The following DDAH1 variants were observed in gnomAD, a reference collection of about 807,000 sequenced individuals.
The protein encoded by DDAH1 is dimethylarginine dimethylaminohydrolase 1, also known as N(G),N(G)-dimethylarginine dimethylaminohydrolase 1.
In DDAH1, 19 loss-of-function variants were observed where a neutral mutation model predicts 28.8. That is an observed-to-expected ratio of 0.66 (90% CI 0.46 to 0.97). The LOEUF is 0.97. Ranked by LOEUF, DDAH1 falls within the 50% of genes least tolerant of loss-of-function variation. DDAH1 has a pLI of 0.00. For synonymous variants in DDAH1, 153 were observed against 154.4 expected, an observed-to-expected ratio of 0.99 and a Z score of 0.07; for missense variants, 326 against 375.9, an observed-to-expected ratio of 0.87 and a Z score of 1.10.
chr1:85,455,536 A>G (rs12143626), intron 1 of DDAH1, among the ~76,000 whole-genome samples: 7,043 of 152,266 alleles, frequency 0.046, 266 homozygotes, highest in South Asian at 0.18. Flanking sequence ...TCAGGAATAG[A>G]AACCAGCACA....
intron 1 of DDAH1, among the ~76,000 whole-genome samples, chr1:85,457,496 T>C (rs576191845): frequency 6.6e-6 from 1 of 152,300 alleles, no homozygotes; most frequent in East Asian, 1.9e-4. Flanking sequence ...AATTCATCTG[T>C]ATCTCCCCAG....
At chr1:85,519,301 T>G (rs1657588428) in intron 1 of DDAH1, among the ~76,000 whole-genome samples, 1 of 152,198 alleles carries the variant, frequency 6.6e-6, no homozygotes, top group South Asian at 2.1e-4. Flanking sequence ...TTTCACCGTG[T>G]TAGCCAGGAT....
intron 1 of DDAH1, chr1:85,376,831 C>G (rs1016604452): frequency 6.6e-6 from 1 of 150,668 alleles, no homozygotes; most frequent in East Asian, 2.0e-4. Flanking sequence ...ACAAAGCCAC[C>G]GAGAGTAAGT....
chr1:85,510,598 G>A (rs938537301), intron 1 of DDAH1, among the ~76,000 whole-genome samples: 2 of 152,154 alleles, frequency 1.3e-5, no homozygotes, highest in Non-Finnish European at 2.9e-5. Flanking sequence ...CTGTATTCAG[G>A]AGACCCATCT....
Position 85,318,903 on chromosome 1 carries a change from G to A in DDAH1, c.*2549C>T. On this transcript the variant is annotated 3_prime_UTR_variant, in exon 6 of 6. Coordinates refer to ENST00000284031, the MANE Select transcript of DDAH1 (RefSeq NM_012137.4). Reference sequence around the variant, plus strand: ...TCTATAGCAATTCATTATAGCTGAAGAAATAATGCTAAATAATGTATTTTC... The same window carrying A: ...TCTATAGCAATTCATTATAGCTGAAAAAATAATGCTAAATAATGTATTTTC... 6.6e-6 allele frequency: 1 copy of A among 152,126 alleles called. No homozygotes were observed. The highest frequency in any genetic ancestry group is 1.5e-5 in the Non-Finnish European group (1 of 68,018). 9.4% of individuals were successfully genotyped at this position (152,126 alleles called of 1,614,324 possible).
At chr1:85,498,078 A>G (rs1656662693) in intron 1 of DDAH1, among the ~76,000 whole-genome samples, 1 of 152,222 alleles carries the variant, frequency 6.6e-6, no homozygotes, top group East Asian at 1.9e-4. Flanking sequence ...ACGAGCCTTT[A>G]AAATACAGTC....
At chr1:85,556,456 C>T (rs747498534) in intron 1 of DDAH1, among the ~76,000 whole-genome samples, 4 of 152,146 alleles carry the variant, frequency 2.6e-5, no homozygotes, top group Non-Finnish European at 4.4e-5. Context: ...ACGAAGGACA[C>T]GTCATCTGTA....
chr1:85,362,964 A>C (rs1240721720), intron 1 of DDAH1, among the ~76,000 whole-genome samples: 1 of 152,194 alleles, frequency 6.6e-6, no homozygotes, highest in Non-Finnish European at 1.5e-5. Flanking sequence ...ACTCCCAAAA[A>C]ACCCAAAACT....
chr1:85,477,426 A>G (rs1046470872), intron 2 of DDAH1, among the ~76,000 whole-genome samples: 32 of 152,142 alleles, frequency 2.1e-4, no homozygotes, highest in African/African-American at 7.7e-4. Context: ...ACCTCATGAC[A>G]TCTTACGTGA....
intron 4 of DDAH1, among the ~76,000 whole-genome samples, chr1:85,347,092 C>T (rs1299731647): frequency 6.6e-6 from 1 of 151,970 alleles, no homozygotes; most frequent in East Asian, 1.9e-4. Context: ...GTTAGAATGG[C>T]AATCATTAAA....
chr1:85,455,725 T>C (rs911972179), intron 1 of DDAH1, among the ~76,000 whole-genome samples: 1 of 152,232 alleles, frequency 6.6e-6, no homozygotes, highest in Non-Finnish European at 1.5e-5. Context: ...TGATGTGTGA[T>C]GGCAGACAGT....
At chr1:85,562,829 G>C (rs745370481) in intron 1 of DDAH1, among the ~76,000 whole-genome samples, 1 of 152,156 alleles carries the variant, frequency 6.6e-6, no homozygotes, top group Non-Finnish European at 1.5e-5. Flanking sequence ...AAGCCACCCA[G>C]TTTACAGTAC....
chr1:85,335,561 G>T (rs1356760299), intron 4 of DDAH1, among the ~76,000 whole-genome samples: 2 of 152,054 alleles, frequency 1.3e-5, no homozygotes, highest in East Asian at 3.9e-4. Context: ...ACAGTAAAAA[G>T]AAACAAAGAA....
chr1:85,551,830 C>T (rs563572107), intron 1 of DDAH1, among the ~76,000 whole-genome samples: 6 of 152,232 alleles, frequency 3.9e-5, no homozygotes, highest in African/African-American at 1.4e-4. Flanking sequence ...CATATGCAAA[C>T]ATGTGGCAGT....
rs756512211 is a variant in DDAH1 at position 85,464,899 on chromosome 1, G to C, written c.147C>G (p.Leu49=). 3 of 1,569,776 alleles carry C rather than the reference G, an allele frequency of 1.9e-6. No homozygotes were observed. Among genetic ancestry groups the C allele is most frequent in the Non-Finnish European group, 2.6e-6 (3 of 1,168,522 alleles). ...DVARAERQHQ[L]YVGVLGSKLG... is the part of the protein sequence containing the mutation. ...GCTTGCTGCCCAGCACGCCCACGTA[G>C]AGCTGGTGCTGCCGTTCCGCGCGGG... is the stretch of plus-strand genomic sequence containing the variant. The change falls in exon 1 of 6, where the codon CTC becomes CTG. Residue 49 remains leucine (L), a synonymous_variant. Transcript: ENST00000284031. This position sits in a 1 kb window ranked among gnomAD's most constrained non-coding sequence, Gnocchi z 4.4.
At position 85,358,754 on chromosome 1, in the gene DDAH1, A is replaced by G; in HGVS notation, c.397T>C (p.Phe133Leu). Residue 133 changes from phenylalanine to leucine, a missense_variant, in exon 2 of 6, where the codon TTC (phenylalanine) becomes CTC (leucine). Physicochemically the swap from Phe to Leu is conservative, Grantham distance 22 (BLOSUM62 0). Coordinates refer to ENST00000284031, the MANE Select transcript of DDAH1 (RefSeq NM_012137.4). ...AAAATAAATACAACTATACCTGTGAATAAAACATCTCCGCCATCTAAAGTT... is the reference window on the plus strand; with the variant it reads ...AAAATAAATACAACTATACCTGTGAGTAAAACATCTCCGCCATCTAAAGTT... ...NATLDGGDVLFTGREFFVGLS... is the reference protein window; with the variant it reads ...NATLDGGDVLLTGREFFVGLS... The G allele has an allele frequency of 6.2e-7, 1 of 1,603,060 alleles. No individual in the cohort carries two copies. The highest frequency in any genetic ancestry group is 8.5e-7 in the Non-Finnish European group (1 of 1,171,992).
chr1:85,380,212 T>C (rs1027270975), intron 1 of DDAH1, among the ~76,000 whole-genome samples: 3 of 152,194 alleles, frequency 2.0e-5, no homozygotes, highest in African/African-American at 7.2e-5. Context: ...TAGTAGATAA[T>C]TTAAAAACTT....
chr1:85,481,241 G>A (rs549708916), intron 2 of DDAH1, among the ~76,000 whole-genome samples: 9 of 151,880 alleles, frequency 5.9e-5, no homozygotes, highest in African/African-American at 2.2e-4. Flanking sequence ...GAGATGACAG[G>A]TGTGTGCCAC....
intron 1 of DDAH1, among the ~76,000 whole-genome samples, chr1:85,460,091 T>C (rs1655059617): frequency 1.3e-5 from 2 of 152,216 alleles, no homozygotes; most frequent in Middle Eastern, 3.2e-3. Flanking sequence ...TCAGTTTCCT[T>C]ATCTTTTGAA....
Sources: allele counts gnomAD v4.1 joint callset (sites outside exome capture counted in the v4.1 genomes callset), GRCh38; gene constraint gnomAD v4.1.1; non-coding constraint Gnocchi (gnomAD v3.1); transcripts MANE v1.5; gene names NCBI Gene and HGNC (gene_info 2026-07-23, HGNC 2026-07-21).